Variants in MXI1 observed in about 807,000 individuals in gnomAD.
The protein encoded by MXI1 is max-interacting protein 1.
Under a neutral mutation model 36.9 loss-of-function variants are expected in MXI1, and 18 were observed. That is an observed-to-expected ratio of 0.49 (90% CI 0.34 to 0.72). The LOEUF is 0.72. Among genes scored for constraint, MXI1 ranks in the 30% least tolerant of loss-of-function variants. The probability of loss-of-function intolerance (pLI) is 0.01; values close to 1 mark genes in which losing one functional copy is unlikely to be tolerated. For missense variants in MXI1, 304 were observed against 379.1 expected (o/e 0.80, Z 1.64); for synonymous variants, 160 against 146.7 (o/e 1.09, Z -0.65).
chr10:110,210,765 G>T (rs1267695852), intron 1 of MXI1, among the ~76,000 whole-genome samples: 1 of 152,202 alleles, frequency 6.6e-6, no homozygotes, highest in East Asian at 1.9e-4. Context: ...TTTTCTGCTC[G>T]CTGCACACAA....
At chr10:110,210,826 G>A (rs1282264271) in intron 1 of MXI1, among the ~76,000 whole-genome samples, 1 of 152,232 alleles carries the variant, frequency 6.6e-6, no homozygotes, top group African/African-American at 2.4e-5. Context: ...CGCGAGTCGG[G>A]GGGCGGGTCG....
In MXI1 at chr10:110,287,329, A is replaced by C. The variant is rs1857443999; in HGVS notation, c.*2342A>C. ...AGACAAATCAACTTTGAAGACACAA[A>C]AGTTAATTGGAAGAAATAAAAACTG... On this transcript the variant is annotated 3_prime_UTR_variant, in exon 6 of 6. Transcript: ENST00000332674. 1 of 152,200 alleles carries C rather than the reference A, an allele frequency of 6.6e-6. No individual in the cohort carries two copies. The highest frequency in any genetic ancestry group is 2.4e-5 in the African/African-American group (1 of 41,438). The allele number at this position is 152,200 out of a possible 1,614,324, so 9.4% of individuals were successfully genotyped here.
intron 3 of MXI1, among the ~76,000 whole-genome samples, chr10:110,246,571 A>C (rs1855870730): frequency 1.3e-5 from 2 of 152,148 alleles, no homozygotes; most frequent in African/African-American, 4.8e-5. Context: ...CTTGTCTCTT[A>C]TTGTAAGGCT....
intron 2 of MXI1, among the ~76,000 whole-genome samples, chr10:110,242,268 A>G: frequency 6.6e-6 from 1 of 151,942 alleles, no homozygotes; most frequent in East Asian, 1.9e-4. Flanking sequence ...TTCTTTGTAT[A>G]TTTATTTTGC....
At chr10:110,210,941 G>A (rs1854497187) in intron 1 of MXI1, among the ~76,000 whole-genome samples, 1 of 152,198 alleles carries the variant, frequency 6.6e-6, no homozygotes, top group South Asian at 2.1e-4. Context: ...GTCGTTGGGG[G>A]AGGGAGAGGG....
chr10:110,225,910 A>G (rs1217641179), intron 1 of MXI1: 2 of 692,488 alleles, frequency 2.9e-6, no homozygotes, highest in African/African-American at 2.0e-5. Flanking sequence ...GTGCGGGACT[A>G]CATTTCCCAG....
chr10:110,221,878 C>A (rs1037468985), intron 1 of MXI1, among the ~76,000 whole-genome samples: 4 of 152,132 alleles, frequency 2.6e-5, no homozygotes, highest in African/African-American at 9.7e-5. Flanking sequence ...GGTGCGTTTC[C>A]GTGTGGTTGG....
chr10:110,278,249 G>A (rs936247272), intron 3 of MXI1, among the ~76,000 whole-genome samples: 1 of 152,152 alleles, frequency 6.6e-6, no homozygotes, highest in African/African-American at 2.4e-5. Flanking sequence ...AGGGCACAGG[G>A]AAGGTAAATC....
At chr10:110,254,507 TTTAA>T (rs1564718080) in intron 3 of MXI1, among the ~76,000 whole-genome samples, 1 of 152,170 alleles carries the variant, frequency 6.6e-6, no homozygotes, top group Non-Finnish European at 1.5e-5. Flanking sequence ...TCACTTTAAA[TTTAA>T]AGCTAGAAAT....
intron 1 of MXI1, chr10:110,227,578 C>T (rs1034881840): frequency 2.2e-5 from 19 of 848,116 alleles, no homozygotes; most frequent in Non-Finnish European, 2.6e-5. Flanking sequence ...AACACGGATG[C>T]TGGGGGGGGT....
chr10:110,263,766 C>G (rs1319737306), intron 3 of MXI1, among the ~76,000 whole-genome samples: 1 of 152,058 alleles, frequency 6.6e-6, no homozygotes, highest in East Asian at 1.9e-4. Context: ...ATCCTATTTT[C>G]CTTCTGATTT....
chr10:110,261,971 G>A (rs1016231141), intron 3 of MXI1, among the ~76,000 whole-genome samples: 1 of 152,132 alleles, frequency 6.6e-6, no homozygotes, highest in Non-Finnish European at 1.5e-5. Flanking sequence ...TAAAAAGAAT[G>A]ATGTAGATGT....
Position 110,243,846 on chromosome 10 carries a change from G to C in MXI1, c.408-982G>C, listed in dbSNP as rs1855760828. On this transcript the variant is annotated intron_variant, in intron 2 of 5. Transcript: ENST00000332674. ...GAAACCGAGCACAGAGAAATGAAGG[G>C]ACTTTACTGAGGCCATACAGTATTT... is the stretch of plus-strand genomic sequence containing the variant. 2.0e-5 allele frequency among the ~76,000 whole-genome samples: 3 copies of C among 152,058 alleles called. No homozygotes were observed. In the South Asian group the frequency reaches 6.2e-4, roughly 31 times the overall value.
chr10:110,228,889 C>T (rs1279423154), intron 2 of MXI1, among the ~76,000 whole-genome samples: 2 of 152,242 alleles, frequency 1.3e-5, no homozygotes, highest in East Asian at 3.9e-4. Context: ...GTTTATCTTT[C>T]AAGCAGAATA....
At chr10:110,209,439 A>G (rs931893121) in intron 1 of MXI1, among the ~76,000 whole-genome samples, 1 of 152,164 alleles carries the variant, frequency 6.6e-6, no homozygotes, top group African/African-American at 2.4e-5. Flanking sequence ...CAAAAACACC[A>G]TTGCTGACTG....
At chr10:110,284,132 GTGT>G (rs1018705618) in intron 5 of MXI1, among the ~76,000 whole-genome samples, 5 of 151,338 alleles carry the variant, frequency 3.3e-5, no homozygotes, top group Non-Finnish European at 7.4e-5. Context: ...TGTATTTGTG[GTGT>G]TTTTTTTTTT....
Position 110,228,338 on chromosome 10 carries a change from G to C in MXI1, c.407+17G>C, listed in dbSNP as rs1016869797. 3.1e-6 allele frequency: 5 copies of C among 1,613,954 alleles called. No homozygotes were observed. The East Asian group carries it at 1.1e-4, about 36-fold the overall frequency. ...TGCCAACAGGTAGCAAGCTGGGAAC[G>C]CTTAGAAGAGGGAACTGGAGGGAAG... On this transcript the variant is annotated intron_variant, in intron 2 of 5. Coordinates refer to ENST00000332674, the MANE Select transcript of MXI1 (RefSeq NM_130439.3).
chr10:110,259,098 A>C (rs1856415255), intron 3 of MXI1, among the ~76,000 whole-genome samples: 2 of 152,140 alleles, frequency 1.3e-5, no homozygotes, highest in Admixed American at 6.5e-5. Context: ...GAAATAAACA[A>C]ATAAGTCAGA....
chr10:110,237,081 G>A (rs889372884), intron 2 of MXI1, among the ~76,000 whole-genome samples: 6 of 152,058 alleles, frequency 3.9e-5, no homozygotes, highest in East Asian at 1.9e-4. Context: ...AACTGACTTC[G>A]CTAAACTTAA....
Sources: gnomAD v4.1 joint callset for allele counts (sites outside exome capture counted in the v4.1 genomes callset) on GRCh38, gnomAD v4.1.1 for gene constraint, MANE v1.5 for transcripts, NCBI Gene and HGNC (gene_info 2026-07-23, HGNC 2026-07-21) for gene names.